Variants in RBM25 observed in about 807,000 individuals in gnomAD.
RBM25 encodes the protein RNA binding motif protein 25.
RBM25 carries 19 observed loss-of-function variants against 120.7 expected under a neutral mutation model. The ratio of observed to expected loss-of-function variants is 0.16; its 90% CI spans 0.11 to 0.23. The LOEUF (loss-of-function observed/expected upper bound fraction) is 0.23. RBM25 is among the 10% of genes least tolerant of loss of function. The probability of loss-of-function intolerance (pLI) is 1.00; values close to 1 mark genes in which losing one functional copy is unlikely to be tolerated. For synonymous variants in RBM25, 390 were observed against 326.7 expected (o/e 1.19, Z -2.09); for missense variants, 605 against 1,041.5 (o/e 0.58, Z 5.77).
At chr14:73,111,202 GCAAATAC>G in intron 15 of RBM25, 47 bp downstream of exon 15, 1 of 1,456,612 alleles carries the variant, frequency 6.9e-7, no homozygotes, top group Middle Eastern at 1.8e-4. Flanking sequence ...CTTCACCCCT[GCAAATAC>G]CTGTATTGTG....
chr14:73,073,979 C>T (rs1473076789), intron 2 of RBM25, among the ~76,000 whole-genome samples: 3 of 152,116 alleles, frequency 2.0e-5, no homozygotes, highest in African/African-American at 7.2e-5. Flanking sequence ...CTAGCTGGCC[C>T]TTTGGACAAA....
chr14:73,062,642 C>T (rs1330374349), intron 1 of RBM25, among the ~76,000 whole-genome samples: 1 of 151,414 alleles, frequency 6.6e-6, no homozygotes, highest in African/African-American at 2.4e-5. Context: ...AAGCTGAGTG[C>T]ATGCATATGT....
At position 73,120,719 on chromosome 14, in the gene RBM25, CAA is replaced by C. The variant is rs973315536; in HGVS notation, c.*919_*920del. ...AATTCTATTGTATCTGTTTATTTAA[CAA>C]AAAATTCATCATACCAAAAAGTGTA... On this transcript the variant is annotated 3_prime_UTR_variant, in exon 19 of 19. Transcript: ENST00000261973. 1.6e-4 allele frequency: 24 copies of C among 152,014 alleles called. No homozygotes were observed. The highest frequency in any genetic ancestry group is 5.8e-4 in the African/African-American group (24 of 41,428). 9.4% of individuals were successfully genotyped at this position (152,014 alleles called of 1,614,324 possible).
Position 73,119,830 on chromosome 14 carries a change from TTCAGA to T in RBM25, c.*27_*31del. 1 of 1,587,952 alleles carries T rather than the reference TTCAGA, an allele frequency of 6.3e-7. No individual in the cohort carries two copies. Among genetic ancestry groups the T allele is most frequent in the Non-Finnish European group, 8.5e-7 (1 of 1,173,474 alleles). ...AAACTTTTTATATTTAGAGTTCCAT[TTCAGA>T]TTTCTTCTTTGCCACCCTTTTAAGG... On this transcript the variant is annotated 3_prime_UTR_variant, in exon 19 of 19. Transcript: ENST00000261973.
At chr14:73,070,257 A>G (rs546552153) in intron 1 of RBM25, among the ~76,000 whole-genome samples, 75 of 151,894 alleles carry the variant, frequency 4.9e-4, no homozygotes, top group Non-Finnish European at 9.9e-4. Context: ...GGGTTTCGCC[A>G]TGTTGGTGAG....
chr14:73,088,323 C>A, intron 6 of RBM25, 162 bp downstream of exon 6: 1 of 917,680 alleles, frequency 1.1e-6, no homozygotes, highest in Non-Finnish European at 1.7e-6. Flanking sequence ...TATTTTAAGT[C>A]TTATCTGCCC....
In RBM25 at chr14:73,084,750, C is replaced by T. The variant is rs1024985566; in HGVS notation, c.382+1199C>T. 2.6e-5 allele frequency among the ~76,000 whole-genome samples: 4 copies of T among 151,830 alleles called. 1 individual carries two copies. The highest frequency in any genetic ancestry group is 9.7e-5 in the African/African-American group (4 of 41,396). On this transcript the variant is annotated intron_variant, in intron 5 of 18. Transcript: ENST00000261973. ...TATTTTTAGTAGAGACGGGGTTTCT[C>T]CATGTTGGTCAGGCTGCTCCTGAGC...
intron 18 of RBM25, among the ~76,000 whole-genome samples, chr14:73,115,714 A>G (rs1242289953): frequency 6.6e-6 from 1 of 152,246 alleles, no homozygotes; most frequent in Non-Finnish European, 1.5e-5. Flanking sequence ...TTGAACTATG[A>G]TCTCCAAGTT....
At chr14:73,114,565 C>G (rs1038741878) in intron 18 of RBM25, among the ~76,000 whole-genome samples, 1 of 152,104 alleles carries the variant, frequency 6.6e-6, no homozygotes, top group South Asian at 2.1e-4. Flanking sequence ...TCTATATAAA[C>G]TCACTTTTGA....
intron 6 of RBM25, among the ~76,000 whole-genome samples, chr14:73,091,721 AC>A (rs982932892): frequency 6.6e-6 from 1 of 151,312 alleles, no homozygotes; most frequent in African/African-American, 2.4e-5. Flanking sequence ...AAAAAAAAAT[AC>A]AAAAATTAGC....
chr14:73,101,410 C>A, intron 9 of RBM25: 1 of 152,162 alleles, frequency 6.6e-6, no homozygotes. Flanking sequence ...CTCTTCATGA[C>A]TTTCTTACAT....
intron 6 of RBM25, among the ~76,000 whole-genome samples, chr14:73,091,057 C>G (rs1016584597): frequency 6.6e-6 from 1 of 152,152 alleles, no homozygotes; most frequent in Non-Finnish European, 1.5e-5. Flanking sequence ...TTCTGATTTG[C>G]TAGGACTCAC....
chr14:73,114,923 C>T (rs1034438713), intron 18 of RBM25, among the ~76,000 whole-genome samples: 33 of 152,156 alleles, frequency 2.2e-4, no homozygotes, highest in African/African-American at 8.0e-4. Flanking sequence ...TCATTCTTTT[C>T]CACCAGTTCC....
chr14:73,116,471 A>G (rs1188098135), intron 18 of RBM25, among the ~76,000 whole-genome samples: 1 of 152,200 alleles, frequency 6.6e-6, no homozygotes, highest in African/African-American at 2.4e-5. Flanking sequence ...GCCAGATAAC[A>G]TTCCTTTTCT....
intron 6 of RBM25, among the ~76,000 whole-genome samples, chr14:73,092,703 C>G (rs1187096364): frequency 6.6e-6 from 1 of 151,696 alleles, no homozygotes; most frequent in African/African-American, 2.4e-5. Context: ...AGGTATATCT[C>G]CTAATCCTAT....
intron 10 of RBM25, among the ~76,000 whole-genome samples, chr14:73,104,980 C>G (rs549468839): frequency 6.7e-6 from 1 of 149,368 alleles, no homozygotes; most frequent in South Asian, 2.1e-4. Flanking sequence ...AAATCCATCT[C>G]TTATATTTAT....
At chr14:73,113,482 C>T (rs957043471) in intron 17 of RBM25, among the ~76,000 whole-genome samples, 16 of 151,770 alleles carry the variant, frequency 1.1e-4, no homozygotes, top group African/African-American at 3.6e-4. Flanking sequence ...CTTGTGGTCA[C>T]GAGTTTGAGA....
chr14:73,105,684 A>C (rs940186050), intron 10 of RBM25, among the ~76,000 whole-genome samples, 175 bp from the exon 11 acceptor site: 9 of 152,176 alleles, frequency 5.9e-5, no homozygotes, highest in African/African-American at 1.4e-4. Flanking sequence ...TTGGGACTGC[A>C]ATTTATGTCT....
At chr14:73,089,593 AATCT>A (rs1189268449) in intron 6 of RBM25, among the ~76,000 whole-genome samples, 1 of 151,930 alleles carries the variant, frequency 6.6e-6, no homozygotes, top group African/African-American at 2.4e-5. Flanking sequence ...GACTTCAGGT[AATCT>A]GTTCTCCTTG....
Sources: allele counts gnomAD v4.1 joint callset (sites outside exome capture counted in the v4.1 genomes callset), GRCh38; gene constraint gnomAD v4.1.1; transcripts MANE v1.5; gene names NCBI Gene and HGNC (gene_info 2026-07-23, HGNC 2026-07-21).